The following ZNF536 variants were observed in gnomAD, a reference collection of about 807,000 sequenced individuals.
The protein encoded by ZNF536 is zinc finger protein 536.
Under a neutral mutation model 84.5 loss-of-function variants are expected in ZNF536, and 13 were observed. The observed-to-expected ratio is 0.15, with a 90% CI of 0.10 to 0.24. The LOEUF (loss-of-function observed/expected upper bound fraction) is 0.24, where lower values mean the gene tolerates loss of function less well. Among genes scored for constraint, ZNF536 ranks in the 10% least tolerant of loss-of-function variants. The probability of loss-of-function intolerance (pLI) is 1.00; values close to 1 mark genes in which losing one functional copy is unlikely to be tolerated. For synonymous variants in ZNF536, 811 were observed against 742.5 expected, an observed-to-expected ratio of 1.09 and a Z score of -1.50; for missense variants, 1,536 against 1,747.5, an observed-to-expected ratio of 0.88 and a Z score of 2.16.
chr19:30,574,642 G>C (rs376900124), intron 1 of ZNF536, among the ~76,000 whole-genome samples: 1 of 152,194 alleles, frequency 6.6e-6, no homozygotes, highest in Non-Finnish European at 1.5e-5. Flanking sequence ...AGGGGAGCTT[G>C]CATGCTCACT....
At chr19:30,611,819 T>G (rs2048114808) in intron 1 of ZNF536, among the ~76,000 whole-genome samples, 2 of 152,208 alleles carry the variant, frequency 1.3e-5, no homozygotes, top group Non-Finnish European at 2.9e-5. Flanking sequence ...AAAATTACTT[T>G]CTGATTGGCT....
chr19:30,684,203 C>T (rs2051084113), intron 1 of ZNF536, among the ~76,000 whole-genome samples: 1 of 152,142 alleles, frequency 6.6e-6, no homozygotes, highest in Non-Finnish European at 1.5e-5. Flanking sequence ...GGTACAATCT[C>T]GGCTTACTGC....
chr19:30,439,045 C>G (rs577861942), intron 1 of ZNF536, among the ~76,000 whole-genome samples: 4 of 152,240 alleles, frequency 2.6e-5, no homozygotes, highest in Admixed American at 2.6e-4. Context: ...TGGATTCAAT[C>G]CTTTAACAGT....
chr19:30,587,174 C>T (rs533689869), intron 1 of ZNF536, among the ~76,000 whole-genome samples: 83 of 152,302 alleles, frequency 5.4e-4, no homozygotes, highest in Non-Finnish European at 2.9e-5. Context: ...TAGCAGAAAT[C>T]CAATTGCAAA....
At chr19:30,419,492 T>C (rs2050863603) in intron 1 of ZNF536, among the ~76,000 whole-genome samples, 1 of 152,224 alleles carries the variant, frequency 6.6e-6, no homozygotes, top group African/African-American at 2.4e-5. Context: ...CCTTTCTCTG[T>C]AACCAGAAGC....
chr19:30,687,243 A>G (rs541593648), intron 1 of ZNF536, among the ~76,000 whole-genome samples: 188 of 152,298 alleles, frequency 1.2e-3, no homozygotes, highest in African/African-American at 4.5e-3. Context: ...GACTTGCAAA[A>G]CAGGATGTGA....
chr19:30,624,728 T>A (rs2048612482), intron 1 of ZNF536, among the ~76,000 whole-genome samples: 1 of 152,170 alleles, frequency 6.6e-6, no homozygotes, highest in Non-Finnish European at 1.5e-5. Flanking sequence ...GTGATATGGT[T>A]TGGCTTTGTA....
chr19:30,562,450 G>T (rs761111663), downstream of ZNF536, among the ~76,000 whole-genome samples: 6 of 152,106 alleles, frequency 3.9e-5, no homozygotes, highest in Non-Finnish European at 7.4e-5. Context: ...GTGGAAGTCT[G>T]TTAAAATAGC....
At chr19:30,645,931 G>T (rs972772712) in intron 1 of ZNF536, among the ~76,000 whole-genome samples, 6 of 152,110 alleles carry the variant, frequency 3.9e-5, no homozygotes, top group African/African-American at 1.4e-4. Flanking sequence ...AGTTCGCCAT[G>T]CCGTTGCCCA....
At chr19:30,535,090 G>A in intron 3 of ZNF536, 91 bp downstream of exon 3, 1 of 1,439,632 alleles carries the variant, frequency 6.9e-7, no homozygotes. Flanking sequence ...ACAGCTGTGT[G>A]GGTCACTAAC....
chr19:30,679,416 G>T (rs1221916940), intron 1 of ZNF536, among the ~76,000 whole-genome samples: 1 of 152,198 alleles, frequency 6.6e-6, no homozygotes, highest in African/African-American at 2.4e-5. Context: ...GTGGCTGGGG[G>T]TGGCGCTCAG....
intron 1 of ZNF536, among the ~76,000 whole-genome samples, chr19:30,637,257 TA>T (rs897322060): frequency 6.6e-6 from 1 of 152,212 alleles, no homozygotes; most frequent in Admixed American, 6.5e-5. Context: ...CAACCCACCC[TA>T]AGAACAGTCT....
intron 1 of ZNF536, among the ~76,000 whole-genome samples, chr19:30,405,453 T>C (rs2050225235): frequency 6.6e-6 from 1 of 152,146 alleles, no homozygotes. Flanking sequence ...TCCCTGTGCC[T>C]GAACTCCATA....
At chr19:30,315,331 G>A (rs2046643477) in intron 2 of ZNF536, among the ~76,000 whole-genome samples, 1 of 152,326 alleles carries the variant, frequency 6.6e-6, no homozygotes, top group Non-Finnish European at 1.5e-5. Flanking sequence ...GAGTAGGGAG[G>A]CGAAGGCTTC....
intron 2 of ZNF536, among the ~76,000 whole-genome samples, chr19:30,314,020 A>C (rs1212754416): frequency 6.6e-6 from 1 of 152,190 alleles, no homozygotes; most frequent in Non-Finnish European, 1.5e-5. Context: ...TGGGACTGTC[A>C]ACTCCAGCTC....
chr19:30,487,502 C>T (rs2054345731), intron 2 of ZNF536, among the ~76,000 whole-genome samples: 1 of 152,162 alleles, frequency 6.6e-6, no homozygotes, highest in Admixed American at 6.6e-5. Context: ...AGGCATAGAA[C>T]TGATGCCTTC....
chr19:30,713,292 T>A (rs2052508200), exon 2 of ZNF536: 1 of 152,214 alleles, frequency 6.6e-6, no homozygotes, highest in South Asian at 2.1e-4. Context: ...ACATGTCAAG[T>A]TTTTTCCCTG....
intron 1 of ZNF536, among the ~76,000 whole-genome samples, chr19:30,278,178 A>T (rs773571198): frequency 2.6e-5 from 4 of 152,190 alleles, no homozygotes; most frequent in Non-Finnish European, 4.4e-5. Context: ...TGGGGATCAC[A>T]TGGAGAAGCA....
chr19:30,593,770 G>A (rs1419706382), intron 1 of ZNF536, among the ~76,000 whole-genome samples: 1 of 152,192 alleles, frequency 6.6e-6, no homozygotes, highest in Non-Finnish European at 1.5e-5. Context: ...AACTGACAGA[G>A]ACCTCCAAGG....
Sources: gnomAD v4.1 joint callset for allele counts (sites outside exome capture counted in the v4.1 genomes callset) on GRCh38, gnomAD v4.1.1 for gene constraint, MANE v1.5 for transcripts, NCBI Gene and HGNC (gene_info 2026-07-23, HGNC 2026-07-21) for gene names.